Variants in EPG5 observed in about 807,000 individuals in gnomAD.
The protein encoded by EPG5 is ectopic P-granules 5 autophagy tethering factor.
In EPG5, 159 loss-of-function variants were observed where a neutral mutation model predicts 302.7. The observed-to-expected ratio is 0.53, with a 90% confidence interval of 0.46 to 0.60. The LOEUF (loss-of-function observed/expected upper bound fraction) is 0.60, where lower values mean the gene tolerates loss of function less well. EPG5 is among the 20% of genes least tolerant of loss of function. The probability of loss-of-function intolerance (pLI) is 0.00; values close to 1 mark genes in which losing one functional copy is unlikely to be tolerated. For missense variants in EPG5, 2,896 were observed against 3,092.4 expected, an observed-to-expected ratio of 0.94 and a Z score of 1.51; for synonymous variants, 1,158 against 1,136.8, an observed-to-expected ratio of 1.02 and a Z score of -0.37.
the EPG5 span, among the ~76,000 whole-genome samples, chr18:45,805,116 A>C: frequency 1.3e-5 from 2 of 152,272 alleles, no homozygotes; most frequent in South Asian, 4.1e-4. Context: ...ATGTAAATTA[A>C]ACTGGAATTC....
In EPG5 at chr18:45,922,528, A is replaced by C. The variant is rs148777356; in HGVS notation, c.2911T>G (p.Leu971Val). ...TTGTGCAGTTTTAGCCTCAAGATTA[A>C]ATTCCAGGCCCATTGGTTAAATGAG... The part of the protein sequence containing the change: ...ETSFNQWAWN[L>V]ILRLKLHKND... Residue 971 changes from leucine (L) to valine (V), a missense_variant, in exon 16 of 44, where the codon TTA becomes GTA. By Grantham distance (32) the Leu-to-Val change is conservative. Transcript: ENST00000282041. 1,302 of 1,614,212 alleles carry C rather than the reference A, an allele frequency of 8.1e-4. 11 individuals are homozygous for C. The African/African-American group carries it at 0.016, about 19-fold the overall frequency.
intron 21 of EPG5, among the ~76,000 whole-genome samples, chr18:45,913,453 G>A (rs980174449): frequency 7.2e-5 from 11 of 152,168 alleles, no homozygotes; most frequent in African/African-American, 1.4e-4. Flanking sequence ...TCTGATGTAC[G>A]TGGGATGCAA....
intron 39 of EPG5, among the ~76,000 whole-genome samples, chr18:45,862,678 T>A (rs1289912679): frequency 6.6e-6 from 1 of 152,208 alleles, no homozygotes; most frequent in African/African-American, 2.4e-5. Context: ...CGTTCTGCCG[T>A]GATTGTAAGC....
the EPG5 span, among the ~76,000 whole-genome samples, chr18:45,807,981 A>T: frequency 6.6e-6 from 1 of 152,214 alleles, no homozygotes; most frequent in Admixed American, 6.5e-5. Flanking sequence ...CAAAAAAATG[A>T]TACAAGAAGT....
chr18:45,928,863 T>C lies in EPG5; in HGVS notation c.2553+6A>G. On this transcript the variant is annotated splice_donor_region_variant and intron_variant, in intron 13 of 43. Coordinates refer to ENST00000282041, the MANE Select transcript of EPG5 (RefSeq NM_020964.3). ...AAACAAAAACAAACAAAATCAGTGC[T>C]CTTACCATTCCAACCTGGTCAATGG... 1 of 1,607,370 alleles carries C rather than the reference T, an allele frequency of 6.2e-7. No individual in the cohort carries two copies. The highest frequency in any genetic ancestry group is 8.5e-7 in the Non-Finnish European group (1 of 1,178,506).
At chr18:45,859,394 T>C (rs1289407414) in intron 40 of EPG5, among the ~76,000 whole-genome samples, 1 of 152,130 alleles carries the variant, frequency 6.6e-6, no homozygotes, top group South Asian at 2.1e-4. Context: ...GTGCTGTTCA[T>C]GGGTGGTCAG....
intron 39 of EPG5, among the ~76,000 whole-genome samples, chr18:45,864,082 C>T (rs2048690993): frequency 6.6e-6 from 1 of 152,160 alleles, no homozygotes; most frequent in Admixed American, 6.5e-5. Flanking sequence ...AGCCTATCCT[C>T]TATGCCTTTT....
rs61363974 is a variant in EPG5 at position 45,943,605 on chromosome 18, A to G, written c.1793-294T>C. Among the ~76,000 whole-genome samples, 15,853 of 152,050 alleles carry G rather than the reference A, an allele frequency of 0.1. 1,245 individuals are homozygous for G. The highest frequency in any genetic ancestry group is 0.29 in the East Asian group (1,497 of 5,148). ...AGCCTAGAACAGCTAGGCACAAGAA[A>G]CCCGAGTTGGAGCCTACACAAGAAG... On this transcript the variant is annotated intron_variant, in intron 8 of 43. Transcript: ENST00000282041.
the EPG5 span, among the ~76,000 whole-genome samples, chr18:45,811,433 G>A: frequency 2.6e-5 from 4 of 152,214 alleles, no homozygotes; most frequent in South Asian, 2.1e-4. Flanking sequence ...TCGTCCTGAT[G>A]CCAAAGCCTG....
At chr18:45,818,331 A>G in the EPG5 span, among the ~76,000 whole-genome samples, 2 of 151,888 alleles carry the variant, frequency 1.3e-5, no homozygotes, top group Non-Finnish European at 2.9e-5. Context: ...GAGAACATCT[A>G]CAGAATCAAG....
chr18:45,949,152 A>T (rs1268304260), intron 5 of EPG5, among the ~76,000 whole-genome samples: 1 of 152,164 alleles, frequency 6.6e-6, no homozygotes, highest in Non-Finnish European at 1.5e-5. Context: ...CTGTGGTGTA[A>T]GACAGATTGA....
At position 45,967,303 on chromosome 18, in the gene EPG5, C is replaced by T. The variant is rs1395161853; in HGVS notation, c.-64G>A. ...AACCCCTGCGCTTCAAGCAACCTGC[C>T]CGGTTCTGGCCTCCGGACTGTCACA... On this transcript the variant is annotated 5_prime_UTR_variant, in exon 1 of 44. Transcript: ENST00000282041. 3 of 1,438,898 alleles carry T rather than the reference C, an allele frequency of 2.1e-6. No homozygotes were observed. The highest frequency in any genetic ancestry group is 5.1e-5 in the East Asian group (2 of 38,902). The allele number at this position is 1,438,898 out of a possible 1,614,324, so 89.1% of individuals were successfully genotyped here.
rs528876484 is a variant in EPG5 at position 45,912,238 on chromosome 18, A to G, written c.3983+52T>C. 90 of 1,447,298 alleles carry G rather than the reference A, an allele frequency of 6.2e-5. No homozygotes were observed. In the East Asian group the frequency reaches 2.0e-3, roughly 32 times the overall value. The allele number at this position is 1,447,298 out of a possible 1,614,324, so 89.7% of individuals were successfully genotyped here. On this transcript the variant is annotated intron_variant, in intron 22 of 43. Transcript: ENST00000282041. Reference sequence around the variant, plus strand: ...GTCTAAGAACACATAGAATGAGAGCAGTGCAAAGGCAGAAATGGACTCACA... The same window carrying G: ...GTCTAAGAACACATAGAATGAGAGCGGTGCAAAGGCAGAAATGGACTCACA...
intron 8 of EPG5, 35 bp from the exon 9 acceptor site, chr18:45,943,346 G>T (rs3745000): frequency 3.2e-6 from 5 of 1,575,760 alleles, no homozygotes; most frequent in Non-Finnish European, 4.4e-6. Context: ...AAAAATCATA[G>T]TTACTATGAA....
At chr18:45,960,993 C>G (rs932687236) in intron 1 of EPG5, among the ~76,000 whole-genome samples, 51 of 152,142 alleles carry the variant, frequency 3.4e-4, no homozygotes, top group African/African-American at 1.2e-3. Context: ...GATTTTCCCC[C>G]CTAAAACCTG....
At chr18:45,882,175 T>C in intron 31 of EPG5, 99 bp downstream of exon 31, 4 of 1,051,456 alleles carry the variant, frequency 3.8e-6, no homozygotes, top group Non-Finnish European at 5.6e-6. Context: ...CCTATACTGG[T>C]ATTACTTTCA....
At chr18:45,944,655 C>CA (rs1675128363) in intron 7 of EPG5, among the ~76,000 whole-genome samples, 2 of 152,080 alleles carry the variant, frequency 1.3e-5, no homozygotes, top group African/African-American at 4.8e-5. Context: ...CTTAGGAGGC[C>CA]AAGGCATGAG....
chr18:45,884,364 T>C (rs1401808542), intron 30 of EPG5, among the ~76,000 whole-genome samples: 1 of 152,174 alleles, frequency 6.6e-6, no homozygotes, highest in Non-Finnish European at 1.5e-5. Context: ...ATGGAAAAAC[T>C]GTATTCCATA....
At chr18:45,942,082 G>T (rs571949439) in intron 9 of EPG5, among the ~76,000 whole-genome samples, 2 of 152,080 alleles carry the variant, frequency 1.3e-5, no homozygotes, top group Non-Finnish European at 2.9e-5. Flanking sequence ...AAAGTTAGCT[G>T]GGCGTGGTGG....
Sources: allele counts gnomAD v4.1 joint callset (sites outside exome capture counted in the v4.1 genomes callset), GRCh38; gene constraint gnomAD v4.1.1; transcripts MANE v1.5; gene names NCBI Gene and HGNC (gene_info 2026-07-23, HGNC 2026-07-21).